The following NELL2 variants were observed in gnomAD, a reference collection of about 807,000 sequenced individuals.
The protein encoded by NELL2 is neural EGFL like 2, also known as protein kinase C-binding protein NELL2.
In NELL2, 41 loss-of-function variants were observed where a neutral mutation model predicts 109.6. The observed-to-expected ratio is 0.37, with a 90% CI of 0.29 to 0.49. The LOEUF (loss-of-function observed/expected upper bound fraction) is 0.49. Among genes scored for constraint, NELL2 ranks in the 20% least tolerant of loss-of-function variants. NELL2 has a pLI of 0.98. For missense variants in NELL2, 900 were observed against 1,008.3 expected (o/e 0.89, Z 1.45); for synonymous variants, 355 against 344.7 (o/e 1.03, Z -0.33).
intron 12 of NELL2, among the ~76,000 whole-genome samples, chr12:44,667,335 A>T (rs923679365): frequency 6.6e-6 from 1 of 152,212 alleles, no homozygotes; most frequent in Non-Finnish European, 1.5e-5. Flanking sequence ...TTTTTAAAAA[A>T]ATCTTCTCCA....
chr12:44,805,832 A>G (rs188421353), intron 3 of NELL2, among the ~76,000 whole-genome samples: 174 of 151,856 alleles, frequency 1.1e-3, no homozygotes, highest in African/African-American at 4.0e-3. Flanking sequence ...AGTAACACAA[A>G]CTCTCCAACA....
chr12:44,789,410 T>C (rs57061175), intron 3 of NELL2, among the ~76,000 whole-genome samples: 2,196 of 152,146 alleles, frequency 0.014, 50 homozygotes, highest in African/African-American at 0.05. Flanking sequence ...AAGACACATC[T>C]ATAGGAAAAG....
intron 9 of NELL2, among the ~76,000 whole-genome samples, chr12:44,744,658 G>T (rs1940215885): frequency 1.3e-5 from 2 of 152,150 alleles, no homozygotes; most frequent in Non-Finnish European, 2.9e-5. Flanking sequence ...TACCATCAGA[G>T]AATACTATAA....
chr12:44,908,109 G>T (rs567323237), intron 1 of NELL2, among the ~76,000 whole-genome samples: 1 of 152,002 alleles, frequency 6.6e-6, no homozygotes, highest in African/African-American at 2.4e-5. Flanking sequence ...TGGACATCTA[G>T]AAGTATGGAA....
chr12:44,843,532 C>T (rs1284234590), intron 2 of NELL2, among the ~76,000 whole-genome samples: 2 of 152,344 alleles, frequency 1.3e-5, no homozygotes, highest in African/African-American at 4.8e-5. Context: ...TGCTATTCTA[C>T]TTCTAGGTAT....
At chr12:44,805,747 T>C (rs1309600620) in intron 3 of NELL2, among the ~76,000 whole-genome samples, 3 of 151,878 alleles carry the variant, frequency 2.0e-5, no homozygotes, top group Non-Finnish European at 2.9e-5. Flanking sequence ...TAATCAACAG[T>C]ATTTGCATTT....
intron 1 of NELL2, among the ~76,000 whole-genome samples, chr12:44,894,567 A>ATT (rs139167741): frequency 0.024 from 3,692 of 152,272 alleles, 160 homozygotes; most frequent in African/African-American, 0.084. Flanking sequence ...TGAATCCACT[A>ATT]TTCTCATGCA....
chr12:44,872,154 C>A (rs934303783), intron 2 of NELL2, among the ~76,000 whole-genome samples: 11 of 152,038 alleles, frequency 7.2e-5, no homozygotes, highest in Admixed American at 2.6e-4. Context: ...CCCTTTATAA[C>A]CTTTCATAGG....
intron 2 of NELL2, among the ~76,000 whole-genome samples, chr12:44,823,910 T>A (rs1435626130): frequency 1.3e-5 from 2 of 152,200 alleles, no homozygotes; most frequent in East Asian, 3.8e-4. Context: ...TTATCATAGG[T>A]CTTTTTGATA....
intron 12 of NELL2, among the ~76,000 whole-genome samples, chr12:44,689,893 C>A (rs1210520026): frequency 6.6e-6 from 1 of 152,058 alleles, no homozygotes; most frequent in Non-Finnish European, 1.5e-5. Flanking sequence ...GGTTGAGAAA[C>A]CCTGGTTAAA....
At chr12:44,886,393 A>C (rs1942972197) in intron 1 of NELL2, among the ~76,000 whole-genome samples, 1 of 151,960 alleles carries the variant, frequency 6.6e-6, no homozygotes, top group Admixed American at 6.6e-5. Context: ...AGAAAATTAA[A>C]AGTCAAGCAA....
chr12:44,520,004 C>T lies in NELL2; in HGVS notation c.2400+1G>A, dbSNP rs774781867. 1 of 1,613,558 alleles carries T rather than the reference C, an allele frequency of 6.2e-7. No homozygotes were observed. The highest frequency in any genetic ancestry group is 1.1e-5 in the South Asian group (1 of 91,048). On this transcript the variant is annotated splice_donor_variant, in intron 19 of 19. Transcript: ENST00000429094. LOFTEE classifies it high-confidence loss of function. ...CACTATTTAAATTTAATGGAGTTTA[C>T]CTTGCACTGGCAGAGAGTACACTCA...
At chr12:44,641,990 C>G (rs545760857) in intron 13 of NELL2, among the ~76,000 whole-genome samples, 7 of 152,194 alleles carry the variant, frequency 4.6e-5, no homozygotes, top group Admixed American at 6.5e-5. Context: ...AGCCAGCGCG[C>G]CCGGCCCAGT....
intron 10 of NELL2, among the ~76,000 whole-genome samples, chr12:44,711,892 G>A (rs1938221671): frequency 1.3e-5 from 2 of 152,044 alleles, no homozygotes. Flanking sequence ...AATGAGGGCA[G>A]GATTCTTGTC....
At chr12:44,791,082 C>CTTGT (rs1555217679) in intron 3 of NELL2, among the ~76,000 whole-genome samples, 1 of 52,034 alleles carries the variant, frequency 1.9e-5, no homozygotes, top group African/African-American at 1.2e-4. Context: ...TATATATATA[C>CTTGT]ATATATATAT....
intron 2 of NELL2, among the ~76,000 whole-genome samples, chr12:44,843,516 T>C (rs1270737143): frequency 6.6e-6 from 1 of 152,246 alleles, no homozygotes; most frequent in East Asian, 1.9e-4. Flanking sequence ...ATCTACCATA[T>C]AAGCCTGCTA....
chr12:44,547,859 T>G (rs2136160062), intron 15 of NELL2, among the ~76,000 whole-genome samples: 1 of 152,296 alleles, frequency 6.6e-6, no homozygotes, highest in East Asian at 1.9e-4. Context: ...ATTCCCTTCC[T>G]TTTGAGGCAC....
At chr12:44,587,808 C>G (rs1329495744) in intron 15 of NELL2, among the ~76,000 whole-genome samples, 2 of 152,086 alleles carry the variant, frequency 1.3e-5, no homozygotes, top group Non-Finnish European at 2.9e-5. Flanking sequence ...TTGATGGTCA[C>G]CAATCTATTG....
intron 19 of NELL2, among the ~76,000 whole-genome samples, chr12:44,512,874 G>T (rs191800346): frequency 1.3e-5 from 2 of 152,104 alleles, no homozygotes; most frequent in East Asian, 3.9e-4. Flanking sequence ...AGCTAGATAG[G>T]AGGAATAAGT....
Sources: allele counts gnomAD v4.1 joint callset (sites outside exome capture counted in the v4.1 genomes callset), GRCh38; gene constraint gnomAD v4.1.1; transcripts MANE v1.5; gene names NCBI Gene and HGNC (gene_info 2026-07-23, HGNC 2026-07-21).